The following PDE8B variants were observed in gnomAD, a reference collection of about 807,000 sequenced individuals.
PDE8B encodes the protein high affinity cAMP-specific and IBMX-insensitive 3',5'-cyclic phosphodiesterase 8B.
PDE8B carries 26 observed loss-of-function variants against 101.3 expected under a neutral mutation model. The observed-to-expected ratio is 0.26, with a 90% confidence interval of 0.19 to 0.36. The LOEUF (loss-of-function observed/expected upper bound fraction) is 0.36, where lower values mean the gene tolerates loss of function less well. Among genes scored for constraint, PDE8B ranks in the 10% least tolerant of loss-of-function variants. PDE8B has a pLI of 1.00. For synonymous variants in PDE8B, 424 were observed against 429.3 expected, an observed-to-expected ratio of 0.99 and a Z score of 0.15; for missense variants, 810 against 1,163.1, an observed-to-expected ratio of 0.70 and a Z score of 4.42.
At chr5:77,256,628 T>A (rs1759235234) in intron 1 of PDE8B, among the ~76,000 whole-genome samples, 1 of 152,176 alleles carries the variant, frequency 6.6e-6, no homozygotes, top group Non-Finnish European at 1.5e-5. Context: ...AATAAATAAC[T>A]TCTATGGTGT....
chr5:77,282,406 G>A (rs1165138288), intron 1 of PDE8B, among the ~76,000 whole-genome samples: 1 of 152,066 alleles, frequency 6.6e-6, no homozygotes, highest in Admixed American at 6.5e-5. Context: ...CCCCCACACT[G>A]CGCTGCCCCT....
intron 2 of PDE8B, among the ~76,000 whole-genome samples, chr5:77,323,482 A>G (rs1775462692): frequency 6.6e-6 from 1 of 152,246 alleles, no homozygotes. Context: ...TCACAGATGC[A>G]TATGGATGAG....
At chr5:77,379,363 T>A (rs559567787) in intron 10 of PDE8B, among the ~76,000 whole-genome samples, 56 of 152,308 alleles carry the variant, frequency 3.7e-4, no homozygotes, top group African/African-American at 1.3e-3. Flanking sequence ...TCCTAGAAAT[T>A]CATATGCAGT....
intron 10 of PDE8B, among the ~76,000 whole-genome samples, chr5:77,365,245 G>A (rs924830923): frequency 3.3e-5 from 5 of 152,106 alleles, no homozygotes; most frequent in Non-Finnish European, 5.9e-5. Context: ...ATTGGGTCTG[G>A]GGTGCAGTCT....
At chr5:77,370,209 T>C (rs1344079005) in intron 10 of PDE8B, among the ~76,000 whole-genome samples, 2 of 152,222 alleles carry the variant, frequency 1.3e-5, no homozygotes, top group African/African-American at 4.8e-5. Flanking sequence ...AGTGTACCTT[T>C]GTGTGACCTT....
intron 1 of PDE8B, among the ~76,000 whole-genome samples, chr5:77,303,630 G>A (rs933589475): frequency 6.6e-6 from 1 of 151,924 alleles, no homozygotes; most frequent in East Asian, 1.9e-4. Flanking sequence ...TTGAAGCCCC[G>A]GCACTTCTCT....
At chr5:77,124,227 G>T in the PDE8B span, among the ~76,000 whole-genome samples, 1 of 152,208 alleles carries the variant, frequency 6.6e-6, no homozygotes, top group East Asian at 1.9e-4. Context: ...AGAAAAATTG[G>T]TCACAAGACT....
the PDE8B span, among the ~76,000 whole-genome samples, chr5:77,162,223 T>C: frequency 6.6e-6 from 1 of 152,168 alleles, no homozygotes; most frequent in African/African-American, 2.4e-5. Flanking sequence ...AAATAAAATA[T>C]ATCTAAGGCT....
At chr5:77,303,019 A>G (rs2150050777) in intron 1 of PDE8B, among the ~76,000 whole-genome samples, 1 of 152,354 alleles carries the variant, frequency 6.6e-6, no homozygotes, top group South Asian at 2.1e-4. Context: ...AATTTTAAAT[A>G]CAACACCTTA....
Position 77,411,715 on chromosome 5 carries a change from A to T in PDE8B, c.1570A>T (p.Thr524Ser), listed in dbSNP as rs2151094268. 1 of 1,609,068 alleles carries T rather than the reference A, an allele frequency of 6.2e-7. No individual in the cohort carries two copies. The highest frequency in any genetic ancestry group is 1.3e-5 in the African/African-American group (1 of 74,956). Residue 524 changes from threonine to serine, a missense_variant, in exon 15 of 22, where the codon ACT becomes TCT. Physicochemically the swap from Thr to Ser is moderately conservative, Grantham distance 58. Coordinates refer to ENST00000264917, the MANE Select transcript of PDE8B (RefSeq NM_003719.5). ...RRLSGNEYVF[T>S]KNVHQSHSHL... ...ACTGTCAGGAAACGAGTATGTGTTT[A>T]CTAAGAGTAAGTTTTCATCTATTTA...
chr5:77,266,101 TAC>T (rs1269757026), intron 1 of PDE8B, among the ~76,000 whole-genome samples: 3 of 152,256 alleles, frequency 2.0e-5, no homozygotes, highest in African/African-American at 7.2e-5. Flanking sequence ...GAAAGGGAAG[TAC>T]AGTCGATCCT....
chr5:77,229,659 A>G (rs1753144650), intron 1 of PDE8B, among the ~76,000 whole-genome samples: 1 of 152,002 alleles, frequency 6.6e-6, no homozygotes, highest in Admixed American at 6.6e-5. Flanking sequence ...AGATTTGCCT[A>G]TTGTGGACAT....
the PDE8B span, chr5:77,139,568 C>T: frequency 7.9e-5 from 12 of 152,230 alleles, no homozygotes; most frequent in Admixed American, 7.2e-4. Context: ...TCTATTCACT[C>T]ATTCCAAAAC....
intron 1 of PDE8B, among the ~76,000 whole-genome samples, chr5:77,251,193 G>A (rs138717217): frequency 1.3e-4 from 20 of 152,292 alleles, no homozygotes; most frequent in South Asian, 2.1e-4. Flanking sequence ...ACCTTACAGC[G>A]TTGTCAGGAG....
intron 1 of PDE8B, among the ~76,000 whole-genome samples, chr5:77,264,512 C>A (rs942415864): frequency 1.3e-5 from 2 of 152,006 alleles, no homozygotes; most frequent in African/African-American, 4.8e-5. Context: ...TGGCATGAAC[C>A]AGTAATCAAA....
At chr5:77,280,105 A>G (rs761646285) in intron 1 of PDE8B, among the ~76,000 whole-genome samples, 11 of 152,224 alleles carry the variant, frequency 7.2e-5, no homozygotes, top group Non-Finnish European at 1.3e-4. Flanking sequence ...TAAGCAGGAA[A>G]GTAGTCATGA....
intron 15 of PDE8B, 71 bp from the exon 16 acceptor site, chr5:77,412,029 A>G (rs576723456): frequency 6.7e-7 from 1 of 1,501,578 alleles, no homozygotes; most frequent in Admixed American, 1.7e-5. Flanking sequence ...AACTATGAAG[A>G]TGATGACAGA....
intron 10 of PDE8B, among the ~76,000 whole-genome samples, chr5:77,361,703 A>T (rs142776035): frequency 6.6e-6 from 1 of 151,862 alleles, no homozygotes; most frequent in African/African-American, 2.4e-5. Flanking sequence ...TTTAGTAGAG[A>T]TAGGGTTTCA....
chr5:77,242,698 G>A (rs369067573), intron 1 of PDE8B, among the ~76,000 whole-genome samples: 11 of 152,192 alleles, frequency 7.2e-5, no homozygotes, highest in African/African-American at 2.6e-4. Flanking sequence ...TTGAGGCGGA[G>A]TCTCCCTCTG....
Sources: gnomAD v4.1 joint callset for allele counts (sites outside exome capture counted in the v4.1 genomes callset) on GRCh38, gnomAD v4.1.1 for gene constraint, MANE v1.5 for transcripts, NCBI Gene and HGNC (gene_info 2026-07-23, HGNC 2026-07-21) for gene names.